The following SCAPER variants were observed in gnomAD, a reference collection of about 807,000 sequenced individuals.
SCAPER encodes S phase cyclin A-associated protein in the endoplasmic reticulum.
A neutral mutation model predicts 182.2 loss-of-function variants in SCAPER; 98 were observed. That is an observed-to-expected ratio of 0.54 (90% confidence interval 0.46 to 0.64). The LOEUF is 0.64. SCAPER is among the 30% of genes least tolerant of loss of function. SCAPER has a pLI of 0.00. For synonymous variants in SCAPER, 605 were observed against 564.6 expected (o/e 1.07, Z -1.01); for missense variants, 1,432 against 1,690.0 (o/e 0.85, Z 2.68).
chr15:76,592,129 TATAG>T (rs200705373), intron 22 of SCAPER, among the ~76,000 whole-genome samples: 20,885 of 151,708 alleles, frequency 0.14, 1,507 homozygotes, highest in African/African-American at 0.19. Context: ...ATGTTATATA[TATAG>T]AGAGATATAT....
At chr15:76,840,878 A>C (rs1425021579) in intron 5 of SCAPER, among the ~76,000 whole-genome samples, 1 of 152,200 alleles carries the variant, frequency 6.6e-6, no homozygotes, top group African/African-American at 2.4e-5. Context: ...GATTATTTAA[A>C]ATTAGAAAAC....
Position 76,732,573 on chromosome 15 carries a change from G to A in SCAPER, c.2022+656C>T, listed in dbSNP as rs137888027. 7.4e-3 allele frequency among the ~76,000 whole-genome samples: 1,132 copies of A among 152,144 alleles called. 18 individuals are homozygous for A. Among genetic ancestry groups the A allele is most frequent in the African/African-American group, 0.026 (1,074 of 41,502 alleles). On this transcript the variant is annotated intron_variant, in intron 16 of 31. Coordinates refer to ENST00000563290, the MANE Select transcript of SCAPER (RefSeq NM_020843.4). ...GAAGATGCTCATTGCCAAGCGGACC[G>A]TGGTCTAGCGGTAGCATCAGTGTCA...
intron 5 of SCAPER, among the ~76,000 whole-genome samples, chr15:76,836,861 G>A (rs1022728930): frequency 2.0e-5 from 3 of 152,100 alleles, no homozygotes; most frequent in African/African-American, 4.8e-5. Flanking sequence ...GCAACAGAGA[G>A]AGACTCCATC....
intron 8 of SCAPER, among the ~76,000 whole-genome samples, chr15:76,786,980 G>T (rs372552997): frequency 2.0e-5 from 3 of 152,248 alleles, no homozygotes; most frequent in African/African-American, 7.2e-5. Flanking sequence ...AGAAACAGAA[G>T]AAGGCCTAAA....
At chr15:76,630,665 C>G (rs994272971) in intron 21 of SCAPER, among the ~76,000 whole-genome samples, 1 of 150,710 alleles carries the variant, frequency 6.6e-6, no homozygotes, top group African/African-American at 2.4e-5. Context: ...TCTGAGAGAC[C>G]GTTATTATTT....
chr15:76,816,801 C>T (rs550385520), intron 5 of SCAPER, among the ~76,000 whole-genome samples: 2 of 152,048 alleles, frequency 1.3e-5, no homozygotes, highest in Non-Finnish European at 1.5e-5. Flanking sequence ...TACAGGCGCC[C>T]GCCACAATGC....
intron 21 of SCAPER, among the ~76,000 whole-genome samples, chr15:76,636,342 C>T (rs980455398): frequency 1.7e-4 from 26 of 152,014 alleles, no homozygotes; most frequent in African/African-American, 6.3e-4. Context: ...AGCCCTTATT[C>T]CCTAGAGATC....
intron 21 of SCAPER, among the ~76,000 whole-genome samples, chr15:76,646,794 C>T (rs944793000): frequency 6.6e-6 from 1 of 152,170 alleles, no homozygotes; most frequent in African/African-American, 2.4e-5. Flanking sequence ...AATTTTAGAA[C>T]ACATATCCAG....
chr15:76,471,100 T>TCTTC (rs34088021), intron 25 of SCAPER, 112 bp downstream of exon 25: 265 of 437,326 alleles, frequency 6.1e-4, no homozygotes, highest in Admixed American at 3.4e-3. Context: ...TTCTTCTTCT[T>TCTTC]TTTTTTTTTT....
At chr15:76,778,080 T>C (rs1234505490) in intron 8 of SCAPER, among the ~76,000 whole-genome samples, 1 of 152,168 alleles carries the variant, frequency 6.6e-6, no homozygotes, top group Non-Finnish European at 1.5e-5. Context: ...CAAAATATAG[T>C]TTCTATTGAA....
chr15:76,529,632 T>C (rs2043474848), intron 23 of SCAPER, among the ~76,000 whole-genome samples: 1 of 151,666 alleles, frequency 6.6e-6, no homozygotes, highest in Non-Finnish European at 1.5e-5. Flanking sequence ...CTGAAGGAAG[T>C]GAGGAAAAAG....
At chr15:76,558,119 C>T (rs2046325879) in intron 23 of SCAPER, among the ~76,000 whole-genome samples, 1 of 152,124 alleles carries the variant, frequency 6.6e-6, no homozygotes, top group Non-Finnish European at 1.5e-5. Flanking sequence ...ATCACAAAAT[C>T]AGCTGCAACA....
chr15:76,621,857 T>A, intron 21 of SCAPER, 28 bp from the exon 22 acceptor site: 2 of 1,500,066 alleles, frequency 1.3e-6, no homozygotes, highest in African/African-American at 1.4e-5. Flanking sequence ...TTTAACACAG[T>A]TATTTCACTG....
chr15:76,684,966 C>T (rs1202111426), intron 20 of SCAPER, among the ~76,000 whole-genome samples: 1 of 150,734 alleles, frequency 6.6e-6, no homozygotes, highest in Non-Finnish European at 1.5e-5. Flanking sequence ...TTATAAAACT[C>T]TATCAACTCA....
chr15:76,669,101 G>T (rs2056828564), intron 20 of SCAPER, among the ~76,000 whole-genome samples: 1 of 152,120 alleles, frequency 6.6e-6, no homozygotes, highest in African/African-American at 2.4e-5. Context: ...CAGACAGTGT[G>T]ATTAGGGAAT....
chr15:76,822,330 A>G (rs1433772486), intron 5 of SCAPER, among the ~76,000 whole-genome samples: 3 of 152,236 alleles, frequency 2.0e-5, no homozygotes, highest in African/African-American at 7.2e-5. Context: ...TCTTAAAAAA[A>G]TAAAGTCATA....
intron 21 of SCAPER, among the ~76,000 whole-genome samples, chr15:76,634,907 A>G (rs2053466229): frequency 6.6e-6 from 1 of 151,882 alleles, no homozygotes; most frequent in Non-Finnish European, 1.5e-5. Context: ...GTAAGTCCTC[A>G]ATGTAGTAGA....
At chr15:76,884,178 T>C (rs1358382015) in intron 1 of SCAPER, among the ~76,000 whole-genome samples, 1 of 152,230 alleles carries the variant, frequency 6.6e-6, no homozygotes, top group Non-Finnish European at 1.5e-5. Context: ...ACATGTTTTA[T>C]ATCTTACCCA....
chr15:76,563,993 G>C (rs1421513349), intron 23 of SCAPER, among the ~76,000 whole-genome samples: 1 of 152,012 alleles, frequency 6.6e-6, no homozygotes, highest in African/African-American at 2.4e-5. Context: ...TCTCAATAAA[G>C]TAGGTATTAA....
Sources: allele counts gnomAD v4.1 joint callset (sites outside exome capture counted in the v4.1 genomes callset), GRCh38; gene constraint gnomAD v4.1.1; transcripts MANE v1.5; gene names NCBI Gene and HGNC (gene_info 2026-07-23, HGNC 2026-07-21).